WWOX: variants seen among roughly 807,000 people sequenced by gnomAD.
The protein encoded by WWOX is WW domain-containing oxidoreductase.
WWOX carries 69 observed loss-of-function variants against 46.2 expected under a neutral mutation model. That is an observed-to-expected ratio of 1.49 (90% confidence interval 1.23 to 1.82). The LOEUF (loss-of-function observed/expected upper bound fraction) is 1.82. Among genes scored for constraint, WWOX ranks in the 40% most tolerant of loss-of-function variants. WWOX has a pLI of 0.00. For missense variants in WWOX, 919 were observed against 542.6 expected (o/e 1.69, Z -6.89); for synonymous variants, 359 against 202.6 (o/e 1.77, Z -6.56).
At chr16:79,003,088 T>G (rs1293102953) in intron 8 of WWOX, among the ~76,000 whole-genome samples, 1 of 152,170 alleles carries the variant, frequency 6.6e-6, no homozygotes, top group African/African-American at 2.4e-5. Flanking sequence ...CTCTTCCCCC[T>G]GAAAAACCTC....
chr16:79,105,663 T>G (rs867643379), intron 8 of WWOX, among the ~76,000 whole-genome samples: 5 of 151,596 alleles, frequency 3.3e-5, no homozygotes, highest in Non-Finnish European at 5.9e-5. Flanking sequence ...TCTTTTTGTT[T>G]TTTTTTTTTT....
At chr16:78,440,213 G>C (rs116939114) in intron 8 of WWOX, among the ~76,000 whole-genome samples, 2 of 152,258 alleles carry the variant, frequency 1.3e-5, no homozygotes, top group East Asian at 1.9e-4. Flanking sequence ...CGATTTTATA[G>C]GATCGTTGTG....
chr16:78,293,373 C>T (rs907194782), intron 5 of WWOX, among the ~76,000 whole-genome samples: 8 of 152,210 alleles, frequency 5.3e-5, no homozygotes, highest in Non-Finnish European at 1.0e-4. Flanking sequence ...TGAGTCCAGG[C>T]ATCTTTAGAA....
chr16:78,549,846 A>C lies in WWOX; in HGVS notation c.1056+117094A>C, dbSNP rs111430939. Among the ~76,000 whole-genome samples, 41 of 152,268 alleles carry C rather than the reference A, an allele frequency of 2.7e-4. 1 individual carries two copies. Among genetic ancestry groups the C allele is most frequent in the African/African-American group, 9.6e-4 (40 of 41,562 alleles). On this transcript the variant is annotated intron_variant, in intron 8 of 8. Coordinates refer to ENST00000566780, the MANE Select transcript of WWOX (RefSeq NM_016373.4). ...TTTGTATGGTGTATGTAGGGCAGGA[A>C]CCCCATCAGAATTGGGGAATCTTTA...
chr16:78,815,099 C>T (rs531668906), intron 8 of WWOX, among the ~76,000 whole-genome samples: 1 of 152,158 alleles, frequency 6.6e-6, no homozygotes, highest in Non-Finnish European at 1.5e-5. Flanking sequence ...CCGAGGTGGG[C>T]AGATTGTCTG....
intron 4 of WWOX, among the ~76,000 whole-genome samples, chr16:78,159,094 C>A (rs1180396496): frequency 6.6e-6 from 1 of 152,096 alleles, no homozygotes; most frequent in African/African-American, 2.4e-5. Context: ...CATGTTGTTG[C>A]AAATAGCAGA....
chr16:78,952,405 A>G (rs868682946), intron 8 of WWOX, among the ~76,000 whole-genome samples: 14 of 147,756 alleles, frequency 9.5e-5, no homozygotes, highest in Middle Eastern at 3.5e-3. Context: ...TTTTTGAGAC[A>G]AAAGTCTCGC....
chr16:78,195,092 G>T (rs114543548), intron 5 of WWOX, among the ~76,000 whole-genome samples: 2 of 152,110 alleles, frequency 1.3e-5, no homozygotes, highest in African/African-American at 4.8e-5. Flanking sequence ...ACCCTCTGAG[G>T]TTCCCCAGTC....
intron 8 of WWOX, among the ~76,000 whole-genome samples, chr16:78,666,756 T>A (rs2047341208): frequency 6.6e-6 from 1 of 152,210 alleles, no homozygotes; most frequent in South Asian, 2.1e-4. Flanking sequence ...ACTGTTTGGT[T>A]GTGTTCTTTC....
intron 5 of WWOX, among the ~76,000 whole-genome samples, chr16:78,312,822 G>C (rs2080275311): frequency 1.3e-5 from 2 of 152,190 alleles, no homozygotes; most frequent in African/African-American, 4.8e-5. Flanking sequence ...GAACCAACCA[G>C]ACAGGCCTAG....
At chr16:79,012,755 C>T (rs545281479) in intron 8 of WWOX, among the ~76,000 whole-genome samples, 1 of 152,208 alleles carries the variant, frequency 6.6e-6, no homozygotes, top group Non-Finnish European at 1.5e-5. Flanking sequence ...CCCTGGTGGC[C>T]AGCCAGCCCC....
intron 8 of WWOX, among the ~76,000 whole-genome samples, chr16:78,589,775 C>G (rs1299970241): frequency 1.3e-5 from 2 of 152,158 alleles, no homozygotes; most frequent in Non-Finnish European, 2.9e-5. Flanking sequence ...ATAGGTTGGT[C>G]ATCTCTCTGC....
At chr16:78,178,735 A>T (rs1340979776) in intron 5 of WWOX, among the ~76,000 whole-genome samples, 1 of 151,982 alleles carries the variant, frequency 6.6e-6, no homozygotes, top group East Asian at 1.9e-4. Context: ...GTCTTGGCGC[A>T]TGGCTATAAT....
chr16:79,047,398 T>A (rs1175573353), intron 8 of WWOX, among the ~76,000 whole-genome samples: 2 of 152,206 alleles, frequency 1.3e-5, no homozygotes, highest in Admixed American at 6.5e-5. Flanking sequence ...AGATGAAGAT[T>A]GATCCATTGG....
At chr16:79,014,872 G>C (rs1307236681) in intron 8 of WWOX, among the ~76,000 whole-genome samples, 1 of 152,318 alleles carries the variant, frequency 6.6e-6, no homozygotes, top group African/African-American at 2.4e-5. Flanking sequence ...CACTTAGTGA[G>C]CATCAGCTGT....
intron 8 of WWOX, among the ~76,000 whole-genome samples, chr16:78,983,527 T>G (rs1041965139): frequency 6.6e-6 from 1 of 152,166 alleles, no homozygotes; most frequent in Admixed American, 6.5e-5. Context: ...ATGGGGTACG[T>G]TAAGATCTCA....
chr16:79,187,557 G>C (rs1110567), intron 8 of WWOX, among the ~76,000 whole-genome samples: 79,255 of 151,540 alleles, frequency 0.52, 22,122 homozygotes, highest in East Asian at 0.74. Context: ...CCTCCACACC[G>C]CACACCGCCA....
chr16:78,930,221 T>A (rs1011611327), intron 8 of WWOX, among the ~76,000 whole-genome samples: 1 of 124,500 alleles, frequency 8.0e-6, no homozygotes, highest in African/African-American at 3.2e-5. Context: ...TTCAGGACCT[T>A]TCTTCCTTCC....
At chr16:79,133,650 T>G (rs1216506471) in intron 8 of WWOX, among the ~76,000 whole-genome samples, 2 of 152,224 alleles carry the variant, frequency 1.3e-5, no homozygotes, top group Admixed American at 6.5e-5. Flanking sequence ...TTTATATTTC[T>G]GCTGTCCTTG....
Sources: gnomAD v4.1 joint callset for allele counts (sites outside exome capture counted in the v4.1 genomes callset) on GRCh38, gnomAD v4.1.1 for gene constraint, MANE v1.5 for transcripts, NCBI Gene and HGNC (gene_info 2026-07-23, HGNC 2026-07-21) for gene names.